Variants in LAMC3 observed in about 807,000 individuals in gnomAD.
LAMC3 encodes the protein laminin subunit gamma 3.
In LAMC3, 128 loss-of-function variants were observed where a neutral mutation model predicts 173.8. The observed-to-expected ratio is 0.74, with a 90% CI of 0.64 to 0.85. LAMC3 has a LOEUF of 0.85. Ranked by LOEUF, LAMC3 falls within the 40% of genes least tolerant of loss-of-function variation. The pLI, the probability that LAMC3 is intolerant of heterozygous loss-of-function variation, is 0.00. For missense variants in LAMC3, 2,022 were observed against 2,156.0 expected (o/e 0.94, Z 1.23); for synonymous variants, 897 against 909.1 (o/e 0.99, Z 0.24).
At position 131,026,450 on chromosome 9, in the gene LAMC3, G is replaced by A. The variant is rs778884818; in HGVS notation, c.539G>A (p.Arg180His). The change falls in exon 2 of 28, where the codon CGC (arginine) becomes CAC (histidine). Residue 180 changes from arginine (R) to histidine (H), a missense_variant. Arg to His is a conservative substitution (Grantham distance 29, BLOSUM62 0). Transcript: ENST00000361069. This position sits in a 1 kb window ranked among gnomAD's most constrained non-coding sequence, Gnocchi z 4.8. ...TYGRPEGQYL[R>H]PGEDERVAFC... ...GGCCGGCCCGAGGGCCAGTACCTGC[G>A]CCCCGGCGAGGACGAGCGCGTGGCC... is the stretch of plus-strand genomic sequence containing the variant. 1.9e-6 allele frequency: 3 copies of A among 1,613,618 alleles called. No homozygotes were observed. The highest frequency in any genetic ancestry group is 2.2e-5 in the East Asian group (1 of 44,876).
chr9:131,074,951 G>A (rs1420156296), intron 20 of LAMC3, among the ~76,000 whole-genome samples: 1 of 151,726 alleles, frequency 6.6e-6, no homozygotes, highest in Non-Finnish European at 1.5e-5. Flanking sequence ...TCCAAACTGA[G>A]ATGCTTTCAC....
In LAMC3 at chr9:131,026,168, C is replaced by T. The variant is rs989484453; in HGVS notation, c.374-117C>T. 5.2e-6 allele frequency: 8 copies of T among 1,549,254 alleles called. No individual in the cohort carries two copies. Among genetic ancestry groups the T allele is most frequent in the Non-Finnish European group, 7.0e-6 (8 of 1,146,974 alleles). On this transcript the variant is annotated intron_variant, in intron 1 of 27. Coordinates refer to ENST00000361069, the MANE Select transcript of LAMC3 (RefSeq NM_006059.4). The surrounding 1 kb of genome is among the most constrained non-coding windows in gnomAD (Gnocchi z 4.8). The stretch of plus-strand genomic sequence containing the variant: ...GGCTTCCCCTGTCCAGAGCTCCAGA[C>T]AGCTTCCAGCGATCCATCCACGCTA...
intron 27 of LAMC3, 30 bp downstream of exon 27, chr9:131,087,847 C>A: frequency 6.3e-7 from 1 of 1,578,470 alleles, no homozygotes; most frequent in Non-Finnish European, 8.7e-7. Flanking sequence ...GGGCCCTGAA[C>A]CCCTGGGTCC....
chr9:131,073,183 A>G, intron 19 of LAMC3, 62 bp from the exon 20 acceptor site: 1 of 1,236,450 alleles, frequency 8.1e-7, no homozygotes, highest in East Asian at 2.3e-5. Flanking sequence ...ATTGGACCAG[A>G]TGTGGCCCTT....
chr9:131,056,895 C>T (rs1176918692), intron 11 of LAMC3, 34 bp from the exon 12 acceptor site: 1 of 1,563,792 alleles, frequency 6.4e-7, no homozygotes, highest in South Asian at 1.1e-5. Context: ...GAGCTTGTGC[C>T]TCCTCTCTTC....
intron 4 of LAMC3, among the ~76,000 whole-genome samples, chr9:131,037,270 T>C (rs1177156345): frequency 6.6e-6 from 1 of 152,220 alleles, no homozygotes; most frequent in African/African-American, 2.4e-5. Flanking sequence ...TGGTCACGTC[T>C]GTCTCTCAGT....
Position 131,041,611 on chromosome 9 carries a change from T to G in LAMC3, c.1284-26T>G, listed in dbSNP as rs549774624. ...ATTCTGAATTTGCTCATTGCACATT[T>G]TCCTCTTGTCCTGTCTCATTGGCAG... On this transcript the variant is annotated intron_variant, in intron 6 of 27. Coordinates refer to ENST00000361069, the MANE Select transcript of LAMC3 (RefSeq NM_006059.4). 4.4e-6 allele frequency: 7 copies of G among 1,607,382 alleles called. No individual in the cohort carries two copies. In the East Asian group the frequency reaches 1.6e-4, roughly 36 times the overall value.
At chr9:131,059,939 G>A (rs2133296865) in intron 12 of LAMC3, among the ~76,000 whole-genome samples, 1 of 152,326 alleles carries the variant, frequency 6.6e-6, no homozygotes, top group South Asian at 2.1e-4. Flanking sequence ...CTTGGCTGCT[G>A]GGGTGCTGCC....
chr9:131,017,452 G>C (rs1833543237), intron 1 of LAMC3, among the ~76,000 whole-genome samples: 1 of 152,058 alleles, frequency 6.6e-6, no homozygotes, highest in Non-Finnish European at 1.5e-5. Flanking sequence ...GAGGCCGGGT[G>C]CGGTCCTTAC....
chr9:131,047,628 T>TG (rs1564374912), intron 8 of LAMC3, among the ~76,000 whole-genome samples: 2 of 132,332 alleles, frequency 1.5e-5, no homozygotes, highest in African/African-American at 5.5e-5. Flanking sequence ...GGGGTGGGGG[T>TG]GGGGGGAGCG....
At chr9:131,060,898 C>T (rs1829794860) in intron 12 of LAMC3, 137 bp from the exon 13 acceptor site, 6 of 827,772 alleles carry the variant, frequency 7.2e-6, no homozygotes, top group South Asian at 1.4e-5. Context: ...CCTCAATCCC[C>T]AGGCCTTGCT....
chr9:131,061,118 C>T lies in LAMC3; in HGVS notation c.2242C>T (p.Gln748Ter), dbSNP rs1454292836. ...TTTCTATGGCAACCCTTTCGCGGGC[C>T]AAGCCGACGACTGCCAGCCCTGTCC... ...PGFYGNPFAG[Q>*]ADDCQPCPCP... Residue 748 changes from glutamine (Q) to a stop codon, truncating the protein, a stop_gained, in exon 13 of 28, where the codon CAA becomes TAA. Coordinates refer to ENST00000361069, the MANE Select transcript of LAMC3 (RefSeq NM_006059.4). LOFTEE classifies it high-confidence loss of function. 20 of 1,613,920 alleles carry T rather than the reference C, an allele frequency of 1.2e-5. No homozygotes were observed. Among genetic ancestry groups the T allele is most frequent in the Non-Finnish European group, 1.5e-5 (18 of 1,180,026 alleles).
intron 1 of LAMC3, among the ~76,000 whole-genome samples, chr9:131,010,152 C>CCAA (rs1564360193): frequency 2.5e-5 from 1 of 39,580 alleles, no homozygotes; most frequent in African/African-American, 6.3e-5. Context: ...AACTCCGTCT[C>CCAA]AAAAAAAAAA....
chr9:131,077,433 T>A (rs1220731350), intron 22 of LAMC3, 99 bp downstream of exon 22: 2 of 1,496,556 alleles, frequency 1.3e-6, no homozygotes, highest in Non-Finnish European at 1.8e-6. Flanking sequence ...TCGCAGCACT[T>A]TGGGAGGCCG....
At chr9:131,069,160 T>C (rs1829995770) in intron 16 of LAMC3, 110 bp downstream of exon 16, 8 of 1,293,622 alleles carry the variant, frequency 6.2e-6, no homozygotes, top group Non-Finnish European at 8.9e-6. Context: ...TCGTCAGACA[T>C]GGGACAGGGT....
At chr9:131,060,243 G>A (rs879360045) in intron 12 of LAMC3, among the ~76,000 whole-genome samples, 5 of 152,200 alleles carry the variant, frequency 3.3e-5, no homozygotes, top group Admixed American at 2.6e-4. Flanking sequence ...GTCTCCCTTA[G>A]GAAACGTTGC....
rs150699964 is a variant in LAMC3, at chr9:131,052,950, G to A, written c.1924G>A (p.Gly642Ser). 1.1e-4 allele frequency: 171 copies of A among 1,612,960 alleles called. 1 individual carries two copies. The African/African-American group carries it at 1.3e-3, about 13-fold the overall frequency. The change falls in exon 11 of 28, where the codon GGC becomes AGC. Residue 642 changes from glycine (G) to serine (S), a missense_variant. Gly to Ser is a moderately conservative substitution (Grantham distance 56). Coordinates refer to ENST00000361069, the MANE Select transcript of LAMC3 (RefSeq NM_006059.4). ...CAGCCTCCGCCTCCGCGTCAGTCCCGGCCCCAGCCCTGCCGGTCAGTAAAG... is the reference window on the plus strand; with the variant it reads ...CAGCCTCCGCCTCCGCGTCAGTCCCAGCCCCAGCCCTGCCGGTCAGTAAAG... ...LTSLRLRVSP[G>S]PSPAGPVFLT... is the part of the protein sequence containing the mutation.
intron 21 of LAMC3, among the ~76,000 whole-genome samples, chr9:131,076,855 G>A (rs1415301405): frequency 6.6e-6 from 1 of 152,170 alleles, no homozygotes; most frequent in Non-Finnish European, 1.5e-5. Flanking sequence ...CACTTCACCG[G>A]GCATTTTCCT....
chr9:131,061,134 A>G lies in LAMC3; in HGVS notation c.2258A>G (p.Gln753Arg), dbSNP rs878935461. 1 of 1,613,702 alleles carries G rather than the reference A, an allele frequency of 6.2e-7. No individual in the cohort carries two copies. The highest frequency in any genetic ancestry group is 1.1e-5 in the South Asian group (1 of 91,074). The part of the protein sequence containing the change: ...NPFAGQADDC[Q>R]PCPCPGQSAC... ...TTCGCGGGCCAAGCCGACGACTGCCAGCCCTGTCCCTGCCCTGGCCAGTCG... is the reference window on the plus strand; with the variant it reads ...TTCGCGGGCCAAGCCGACGACTGCCGGCCCTGTCCCTGCCCTGGCCAGTCG... The change falls in exon 13 of 28, where the codon CAG becomes CGG. Residue 753 changes from glutamine to arginine, a missense_variant. Physicochemically the swap from Gln to Arg is conservative, Grantham distance 43 (BLOSUM62 1). Transcript: ENST00000361069.
Sources: gnomAD v4.1 joint callset for allele counts (sites outside exome capture counted in the v4.1 genomes callset) on GRCh38, gnomAD v4.1.1 for gene constraint, Gnocchi (gnomAD v3.1) non-coding constraint, MANE v1.5 for transcripts, NCBI Gene and HGNC (gene_info 2026-07-23, HGNC 2026-07-21) for gene names.